ZBBX: variants seen among roughly 807,000 people sequenced by gnomAD.
The protein encoded by ZBBX is zinc finger B-box domain-containing protein 1.
In ZBBX, 101 loss-of-function variants were observed where a neutral mutation model predicts 108.5. That is an observed-to-expected ratio of 0.93 (90% CI 0.79 to 1.10). The LOEUF is 1.10. Ranked by LOEUF, ZBBX falls within the 50% of genes least tolerant of loss-of-function variation. The probability of loss-of-function intolerance (pLI) is 0.00; values close to 1 mark genes in which losing one functional copy is unlikely to be tolerated. For missense variants in ZBBX, 1,009 were observed against 941.4 expected, an observed-to-expected ratio of 1.07 and a Z score of -0.94; for synonymous variants, 356 against 323.4, an observed-to-expected ratio of 1.10 and a Z score of -1.08.
At chr3:167,356,541 C>T (rs1743608448) in intron 8 of ZBBX, among the ~76,000 whole-genome samples, 2 of 152,044 alleles carry the variant, frequency 1.3e-5, no homozygotes, top group African/African-American at 4.8e-5. Context: ...GAAGAGGAAA[C>T]TGCTTTTTAC....
At chr3:167,221,026 T>C in the ZBBX span, among the ~76,000 whole-genome samples, 1 of 151,492 alleles carries the variant, frequency 6.6e-6, no homozygotes, top group Non-Finnish European at 1.5e-5. Context: ...GTTTCCACAA[T>C]GAAAACTATA....
intron 18 of ZBBX, among the ~76,000 whole-genome samples, chr3:167,295,876 C>A (rs1482676017): frequency 6.7e-6 from 1 of 150,178 alleles, no homozygotes; most frequent in African/African-American, 2.4e-5. Flanking sequence ...TAACACCAGT[C>A]CTCAAACTTT....
intron 2 of ZBBX, among the ~76,000 whole-genome samples, chr3:167,377,028 T>C (rs547581287): frequency 6.6e-6 from 1 of 152,102 alleles, no homozygotes; most frequent in African/African-American, 2.4e-5. Flanking sequence ...GGTCATTCAG[T>C]TTTTTTTATA....
At chr3:167,267,577 G>A (rs1303019277) in intron 20 of ZBBX, among the ~76,000 whole-genome samples, 2 of 152,100 alleles carry the variant, frequency 1.3e-5, no homozygotes, top group Non-Finnish European at 2.9e-5. Flanking sequence ...ATAAAATATT[G>A]CTGTTTTGTT....
chr3:167,270,717 C>A (rs1005260820), intron 20 of ZBBX, among the ~76,000 whole-genome samples: 2 of 152,174 alleles, frequency 1.3e-5, no homozygotes, highest in African/African-American at 2.4e-5. Context: ...TGCAAGCACA[C>A]CCCACGAAGT....
At chr3:167,272,878 TG>T (rs1726784128) in intron 20 of ZBBX, among the ~76,000 whole-genome samples, 1 of 152,162 alleles carries the variant, frequency 6.6e-6, no homozygotes, top group Admixed American at 6.5e-5. Context: ...AGCGAGTGGT[TG>T]TATATCCTTA....
intron 1 of ZBBX, among the ~76,000 whole-genome samples, chr3:167,406,897 T>A (rs1413692164): frequency 3.9e-5 from 6 of 152,180 alleles, no homozygotes; most frequent in Non-Finnish European, 5.9e-5. Flanking sequence ...TATGTAGGAT[T>A]TGGCATTTGA....
At chr3:167,387,851 C>T (rs1348640937) in intron 1 of ZBBX, among the ~76,000 whole-genome samples, 3 of 152,044 alleles carry the variant, frequency 2.0e-5, no homozygotes, top group South Asian at 2.1e-4. Flanking sequence ...GGATGACCCA[C>T]GTGTATTTAT....
chr3:167,186,828 C>T, the ZBBX span, among the ~76,000 whole-genome samples: 2 of 152,100 alleles, frequency 1.3e-5, no homozygotes, highest in African/African-American at 4.8e-5. Context: ...TTGAATAGGT[C>T]GCCATAGTCA....
intron 1 of ZBBX, among the ~76,000 whole-genome samples, chr3:167,390,469 C>T (rs1385537771): frequency 2.0e-5 from 3 of 149,762 alleles, no homozygotes; most frequent in Non-Finnish European, 4.4e-5. Context: ...TATACGGGCT[C>T]TTTTTTGGTT....
intron 20 of ZBBX, among the ~76,000 whole-genome samples, chr3:167,266,617 A>T (rs892090653): frequency 6.6e-6 from 1 of 152,170 alleles, no homozygotes; most frequent in Admixed American, 6.5e-5. Context: ...ACCCCAGCCC[A>T]CGGGGGAAGA....
chr3:167,333,931 C>G lies in ZBBX; in HGVS notation c.583G>C (p.Asp195His). 7 of 1,609,920 alleles carry G rather than the reference C, an allele frequency of 4.3e-6. No individual in the cohort carries two copies. Among genetic ancestry groups the G allele is most frequent in the African/African-American group, 1.3e-5 (1 of 74,864 alleles). The stretch of plus-strand genomic sequence containing the variant: ...TCTTTGGGTTCATCTGGATTAACAT[C>G]CTTTATAAACTGATGGGCAACATCC... ...VLDVAHQFIK[D>H]VNPDEPKEEN... Residue 195 changes from aspartate (D) to histidine (H), a missense_variant, in exon 10 of 22, where the codon GAT (aspartate) becomes CAT (histidine). Asp to His is a moderately conservative substitution (Grantham distance 81, BLOSUM62 -1). Transcript: ENST00000675490.
chr3:167,353,539 A>ACATAGTGG (rs1417661001), intron 8 of ZBBX, among the ~76,000 whole-genome samples: 23 of 152,176 alleles, frequency 1.5e-4, no homozygotes, highest in Non-Finnish European at 2.9e-4. Flanking sequence ...CTGAAAAATT[A>ACATAGTGG]CATAGTGGCT....
Position 167,297,550 on chromosome 3 carries a change from GA to G in ZBBX, c.1879+754del, listed in dbSNP as rs202153914. 3.3e-5 allele frequency among the ~76,000 whole-genome samples: 5 copies of G among 151,922 alleles called. No homozygotes were observed. In the East Asian group the frequency reaches 9.7e-4, roughly 29 times the overall value. ...GACAAATTGGACTTAATAAAAACTG[GA>G]AAAAAACTGCATCCAAAGACACTAT... On this transcript the variant is annotated intron_variant, in intron 18 of 21. Coordinates refer to ENST00000675490, the MANE Select transcript of ZBBX (RefSeq NM_001199201.2).
chr3:167,363,582 C>CA (rs1254383197), intron 6 of ZBBX, among the ~76,000 whole-genome samples: 1 of 151,592 alleles, frequency 6.6e-6, no homozygotes, highest in Non-Finnish European at 1.5e-5. Flanking sequence ...AAAGACCACA[C>CA]ACCCAGCAAC....
chr3:167,178,738 C>T, the ZBBX span, among the ~76,000 whole-genome samples: 1 of 152,134 alleles, frequency 6.6e-6, no homozygotes, highest in Non-Finnish European at 1.5e-5. Flanking sequence ...TCCACCAAAC[C>T]AGTTGTTCTG....
intron 20 of ZBBX, among the ~76,000 whole-genome samples, chr3:167,269,673 C>T (rs968124867): frequency 3.9e-5 from 6 of 152,140 alleles, no homozygotes; most frequent in Non-Finnish European, 1.5e-5. Context: ...GCTTCTTGAG[C>T]CTTGTATGTC....
intron 20 of ZBBX, among the ~76,000 whole-genome samples, chr3:167,272,557 CT>C (rs1213904748): frequency 6.6e-6 from 1 of 152,224 alleles, no homozygotes; most frequent in Non-Finnish European, 1.5e-5. Context: ...GGAAAACCCC[CT>C]CAAACTAAAG....
At chr3:167,223,085 A>T in the ZBBX span, among the ~76,000 whole-genome samples, 1 of 151,918 alleles carries the variant, frequency 6.6e-6, no homozygotes, top group Non-Finnish European at 1.5e-5. Context: ...AATTAAAAAA[A>T]GTCTCATAGC....
Sources: gnomAD v4.1 joint callset for allele counts (sites outside exome capture counted in the v4.1 genomes callset) on GRCh38, gnomAD v4.1.1 for gene constraint, MANE v1.5 for transcripts, NCBI Gene and HGNC (gene_info 2026-07-23, HGNC 2026-07-21) for gene names.